SNX1: variants seen among roughly 807,000 people sequenced by gnomAD.
SNX1 encodes the protein sorting nexin-1.
Under a neutral mutation model 71.8 loss-of-function variants are expected in SNX1, and 36 were observed. The ratio of observed to expected loss-of-function variants is 0.50; its 90% confidence interval spans 0.38 to 0.66. SNX1 has a LOEUF of 0.66. SNX1 is among the 30% of genes least tolerant of loss of function. SNX1 has a pLI of 0.00. For synonymous variants in SNX1, 254 were observed against 240.7 expected (o/e 1.06, Z -0.51); for missense variants, 612 against 646.7 (o/e 0.95, Z 0.58).
intron 1 of SNX1, among the ~76,000 whole-genome samples, chr15:64,102,995 G>A (rs376636642): frequency 1.3e-5 from 2 of 151,940 alleles, no homozygotes; most frequent in South Asian, 2.1e-4. Context: ...TCAAACTCCT[G>A]GGCTCAAGTG....
chr15:64,131,482 C>G (rs2081305752), intron 10 of SNX1: 1 of 567,842 alleles, frequency 1.8e-6, no homozygotes, highest in African/African-American at 1.9e-5. Context: ...CAGCTGGTGC[C>G]TCTCCCTCCT....
In SNX1 at chr15:64,143,876, C is replaced by G. The variant is rs2081438589; in HGVS notation, c.*6258C>G. 2.0e-5 allele frequency: 3 copies of G among 152,138 alleles called. No individual in the cohort carries two copies. The highest frequency in any genetic ancestry group is 7.2e-5 in the African/African-American group (3 of 41,414). The allele number at this position is 152,138 out of a possible 1,614,324, so 9.4% of individuals were successfully genotyped here. Reference sequence around the variant, plus strand: ...CCCGTCATAGCACTGTTTACAGTTGCAAAAACTGAAGCCAATTGAAATGTC... The same window carrying G: ...CCCGTCATAGCACTGTTTACAGTTGGAAAAACTGAAGCCAATTGAAATGTC... On this transcript the variant is annotated 3_prime_UTR_variant, in exon 15 of 15. Coordinates refer to ENST00000559844, the MANE Select transcript of SNX1 (RefSeq NM_003099.5).
Position 64,127,862 on chromosome 15 carries a change from A to G in SNX1, c.807+56A>G, listed in dbSNP as rs571393298. On this transcript the variant is annotated intron_variant, in intron 8 of 14. Coordinates refer to ENST00000559844, the MANE Select transcript of SNX1 (RefSeq NM_003099.5). Reference sequence around the variant, plus strand: ...ATTTATATCTGCCCCTAGTGAAACGAAACTAGTTCATTCCAAAAATATGTG... The same window carrying G: ...ATTTATATCTGCCCCTAGTGAAACGGAACTAGTTCATTCCAAAAATATGTG... The G allele has an allele frequency of 1.3e-5, 18 of 1,345,220 alleles. No homozygotes were observed. The African/African-American group carries it at 2.2e-4, about 16-fold the overall frequency. The allele number at this position is 1,345,220 out of a possible 1,614,324, so 83.3% of individuals were successfully genotyped here. A position where few individuals can be genotyped will look rare whatever the true frequency, so the allele number is the denominator to read the frequency against.
In SNX1 at chr15:64,129,034, G is replaced by A. The variant is rs529914627; in HGVS notation, c.808-882G>A. On this transcript the variant is annotated intron_variant, in intron 8 of 14. Coordinates refer to ENST00000559844, the MANE Select transcript of SNX1 (RefSeq NM_003099.5). The surrounding 1 kb of genome is among the most constrained non-coding windows in gnomAD (Gnocchi z 4.4). ...GGCTGAGGCAGGAGGATCACCTGAGGTCAGGAGTTCGAGACCAGCCTGGCC... is the reference window on the plus strand; with the variant it reads ...GGCTGAGGCAGGAGGATCACCTGAGATCAGGAGTTCGAGACCAGCCTGGCC... Among the ~76,000 whole-genome samples the A allele has an allele frequency of 6.6e-6, 1 of 152,168 alleles. No homozygotes were observed. Among genetic ancestry groups the A allele is most frequent in the African/African-American group, 2.4e-5 (1 of 41,514 alleles).
intron 1 of SNX1, among the ~76,000 whole-genome samples, chr15:64,109,601 G>A (rs1389608211): frequency 6.6e-6 from 1 of 151,908 alleles, no homozygotes; most frequent in Non-Finnish European, 1.5e-5. Flanking sequence ...CTGCCTCCTG[G>A]GTTCAAGCAG....
At chr15:64,121,402 A>G (rs1308828845) in intron 4 of SNX1, among the ~76,000 whole-genome samples, 1 of 152,098 alleles carries the variant, frequency 6.6e-6, no homozygotes, top group Non-Finnish European at 1.5e-5. Flanking sequence ...CGGCTTGTCG[A>G]TGCATCACTT....
chr15:64,118,720 A>G (rs1457691330), intron 3 of SNX1, 68 bp from the exon 4 acceptor site: 2 of 1,188,424 alleles, frequency 1.7e-6, no homozygotes, highest in Non-Finnish European at 2.5e-6. Context: ...GTATAAGGTT[A>G]TTACAGGGTA....
At chr15:64,101,341 C>T (rs919688082) in intron 1 of SNX1, among the ~76,000 whole-genome samples, 33 of 152,116 alleles carry the variant, frequency 2.2e-4, no homozygotes, top group Admixed American at 2.0e-3. Flanking sequence ...TTTTTGATAC[C>T]TCATATAAGT....
At chr15:64,126,694 C>G (rs1194593137) in intron 6 of SNX1, among the ~76,000 whole-genome samples, 2 of 152,150 alleles carry the variant, frequency 1.3e-5, no homozygotes, top group Non-Finnish European at 2.9e-5. Context: ...ATTCTCCTGC[C>G]TCAGCCTCCC....
rs565841821 is a variant in SNX1 at position 64,132,708 on chromosome 15, C to G, written c.1221+816C>G. On this transcript the variant is annotated intron_variant, in intron 11 of 14. Coordinates refer to ENST00000559844, the MANE Select transcript of SNX1 (RefSeq NM_003099.5). ...GCCTCAGAGTTAGAACAGTGCCCCC[C>G]GCTCGTTCCCCGTCCCCAACATATC... Among the ~76,000 whole-genome samples the G allele has an allele frequency of 7.8e-4, 119 of 152,278 alleles. 1 individual carries two copies. In the South Asian group the frequency reaches 0.015, roughly 19 times the overall value.
At chr15:64,096,202 G>A (rs2080898454) in intron 1 of SNX1, 30 bp downstream of exon 1, 2 of 1,542,218 alleles carry the variant, frequency 1.3e-6, no homozygotes, top group South Asian at 2.4e-5. Context: ...GGTAGCAGGC[G>A]GGAGGGCACC....
chr15:64,113,805 A>T (rs1465536009), intron 2 of SNX1, among the ~76,000 whole-genome samples: 1 of 150,936 alleles, frequency 6.6e-6, no homozygotes, highest in African/African-American at 2.4e-5. Context: ...TGGGTGACAG[A>T]GCAAGACTCC....
Position 64,127,833 on chromosome 15 carries a change from C to T in SNX1, c.807+27C>T, listed in dbSNP as rs771830028. On this transcript the variant is annotated intron_variant, in intron 8 of 14. Coordinates refer to ENST00000559844, the MANE Select transcript of SNX1 (RefSeq NM_003099.5). ...TTAGTATTCAGTGCAAACTGAATTT[C>T]ATAATTTATATCTGCCCCTAGTGAA... The T allele has an allele frequency of 2.1e-5, 33 of 1,569,204 alleles. No individual in the cohort carries two copies. In the African/African-American group the frequency reaches 4.1e-4, roughly 19 times the overall value.
intron 1 of SNX1, among the ~76,000 whole-genome samples, chr15:64,106,332 A>T (rs986075242): frequency 3.3e-5 from 5 of 152,204 alleles, no homozygotes; most frequent in Admixed American, 6.5e-5. Context: ...TCCTTAAGCT[A>T]TGGAGTTAAA....
chr15:64,107,035 C>T (rs1490673038), intron 1 of SNX1, among the ~76,000 whole-genome samples: 1 of 152,102 alleles, frequency 6.6e-6, no homozygotes, highest in Non-Finnish European at 1.5e-5. Context: ...TAAGTTCTTC[C>T]AGGGTAGTTT....
At chr15:64,112,112 C>T (rs1373531551) in intron 1 of SNX1, among the ~76,000 whole-genome samples, 1 of 152,162 alleles carries the variant, frequency 6.6e-6, no homozygotes, top group African/African-American at 2.4e-5. Context: ...TCAGATGGGT[C>T]AGTAATATCC....
chr15:64,112,785 T>C, intron 2 of SNX1, 101 bp downstream of exon 2: 1 of 653,354 alleles, frequency 1.5e-6, no homozygotes, highest in Non-Finnish European at 2.6e-6. Flanking sequence ...ATTGGGAACA[T>C]AACTTTATGT....
chr15:64,123,608 A>G, intron 5 of SNX1, 62 bp downstream of exon 5: 1 of 1,306,980 alleles, frequency 7.7e-7, no homozygotes, highest in South Asian at 1.2e-5. Flanking sequence ...TACCAAGGTC[A>G]TCATTCAGAT....
Position 64,136,915 on chromosome 15 carries a change from C to T in SNX1, c.1501C>T (p.Leu501Phe). 6.2e-7 allele frequency: 1 copy of T among 1,614,004 alleles called. No individual in the cohort carries two copies. Among genetic ancestry groups the T allele is most frequent in the Non-Finnish European group, 8.5e-7 (1 of 1,179,886 alleles). ...NHVIKYLETL[L>F]YSQQQLAKYW... is the part of the protein sequence containing the mutation. ...CGTGATCAAGTACCTTGAGACACTC[C>T]TTTACTCACAGCAGCAGGTATGTAA... The change falls in exon 14 of 15, where the codon CTT becomes TTT. Residue 501 changes from leucine (L) to phenylalanine (F), a missense_variant. Physicochemically the swap from Leu to Phe is conservative, Grantham distance 22 (BLOSUM62 0). This residue lies in a region of SNX1 where 296 missense variants were observed against 361.9 expected (regional missense o/e 0.82). Transcript: ENST00000559844.
Sources: gnomAD v4.1 joint callset for allele counts (sites outside exome capture counted in the v4.1 genomes callset) on GRCh38, gnomAD v4.1.1 for gene constraint, gnomAD v4.1.1 regional missense constraint, Gnocchi (gnomAD v3.1) non-coding constraint, MANE v1.5 for transcripts, NCBI Gene and HGNC (gene_info 2026-07-23, HGNC 2026-07-21) for gene names.